The following PAK1 variants were observed in gnomAD, a reference collection of about 807,000 sequenced individuals.
PAK1 encodes serine/threonine-protein kinase PAK 1.
PAK1 carries 29 observed loss-of-function variants against 67.4 expected under a neutral mutation model. The ratio of observed to expected loss-of-function variants is 0.43; its 90% CI spans 0.32 to 0.59. The LOEUF (loss-of-function observed/expected upper bound fraction) is 0.59. PAK1 is among the 20% of genes least tolerant of loss of function. PAK1 has a pLI of 0.07. For missense variants in PAK1, 337 were observed against 670.7 expected (o/e 0.50, Z 5.50); for synonymous variants, 223 against 237.4 (o/e 0.94, Z 0.56).
At chr11:77,398,265 AC>A (rs1365648334) in intron 1 of PAK1, among the ~76,000 whole-genome samples, 1 of 151,926 alleles carries the variant, frequency 6.6e-6, no homozygotes, top group Admixed American at 6.6e-5. Context: ...GCCCTCCACT[AC>A]CCTTTCCAGC....
chr11:77,430,867 C>T (rs1955827872), intron 1 of PAK1, among the ~76,000 whole-genome samples: 1 of 152,166 alleles, frequency 6.6e-6, no homozygotes, highest in South Asian at 2.1e-4. Flanking sequence ...AGACCAGTAC[C>T]ATGGCCTGTT....
At chr11:77,357,617 G>A (rs1396600583) in intron 6 of PAK1, among the ~76,000 whole-genome samples, 2 of 152,096 alleles carry the variant, frequency 1.3e-5, no homozygotes, top group African/African-American at 4.8e-5. Context: ...ACCTGGAGTT[G>A]GGGTTAATTA....
chr11:77,454,601 C>A (rs935563147), intron 1 of PAK1, among the ~76,000 whole-genome samples: 1 of 152,140 alleles, frequency 6.6e-6, no homozygotes, highest in African/African-American at 2.4e-5. Flanking sequence ...TCAAAATCAT[C>A]TGGCGGGCTT....
chr11:77,516,060 T>A, the PAK1 span, among the ~76,000 whole-genome samples: 3 of 152,334 alleles, frequency 2.0e-5, no homozygotes, highest in Non-Finnish European at 4.4e-5. Context: ...TGCCATTTGT[T>A]TTTAGCTGTG....
chr11:77,397,645 A>G (rs1952011998), intron 1 of PAK1, among the ~76,000 whole-genome samples: 1 of 152,258 alleles, frequency 6.6e-6, no homozygotes, highest in Non-Finnish European at 1.5e-5. Context: ...ACTGAATCAA[A>G]GTAGACAGGG....
At chr11:77,499,758 T>C in the PAK1 span, among the ~76,000 whole-genome samples, 1 of 152,316 alleles carries the variant, frequency 6.6e-6, no homozygotes, top group East Asian at 1.9e-4. Context: ...TGGATCCATA[T>C]TGCTCCCTAA....
intron 1 of PAK1, among the ~76,000 whole-genome samples, chr11:77,469,752 GAATGTTTTT>G (rs1957765144): frequency 6.6e-6 from 1 of 151,660 alleles, no homozygotes; most frequent in Non-Finnish European, 1.5e-5. Context: ...TGGTGTGGGA[GAATGTTTTT>G]AAATTTTTTA....
chr11:77,498,470 G>A, the PAK1 span, among the ~76,000 whole-genome samples: 1 of 149,908 alleles, frequency 6.7e-6, no homozygotes, highest in Non-Finnish European at 1.5e-5. Context: ...GCTCATTATT[G>A]CTCTTTCTCC....
In PAK1 at chr11:77,429,071, A is replaced by AC. The variant is rs1352753572; in HGVS notation, c.-21-36531_-21-36530insG. On this transcript the variant is annotated intron_variant, in intron 1 of 14. Transcript: ENST00000356341. Reference sequence around the variant, plus strand: ...CATTTAATACTAAAAAAAAAAAAAAAAAAAAAAAAAAAAAAAAAAAAAACA... The same window carrying AC: ...CATTTAATACTAAAAAAAAAAAAAAACAAAAAAAAAAAAAAAAAAAAAAACA... 1.4e-4 allele frequency among the ~76,000 whole-genome samples: 11 copies of AC among 81,414 alleles called. No homozygotes were observed. The South Asian group carries it at 1.7e-3, about 13-fold the overall frequency. The allele number at this position is 81,414 out of a possible 152,430, so 53.4% of individuals were successfully genotyped here.
chr11:77,468,630 T>C (rs568505056), intron 1 of PAK1, among the ~76,000 whole-genome samples: 16 of 152,144 alleles, frequency 1.1e-4, no homozygotes, highest in Non-Finnish European at 1.9e-4. Flanking sequence ...CCATCTGACA[T>C]AGAGTTTTAT....
the PAK1 span, among the ~76,000 whole-genome samples, chr11:77,502,320 A>C: frequency 6.6e-6 from 1 of 152,242 alleles, no homozygotes; most frequent in Non-Finnish European, 1.5e-5. Context: ...CATGTCATTA[A>C]AGACTTCATA....
the PAK1 span, among the ~76,000 whole-genome samples, chr11:77,496,019 CTTT>C: frequency 3.2e-5 from 4 of 126,244 alleles, no homozygotes; most frequent in East Asian, 2.4e-4. Context: ...GAACTGTACA[CTTT>C]TTTTTTTTTT....
chr11:77,404,604 C>A lies in PAK1; in HGVS notation c.-21-12063G>T, dbSNP rs575450258. Among the ~76,000 whole-genome samples the A allele has an allele frequency of 3.3e-5, 5 of 152,248 alleles. No homozygotes were observed. The East Asian group carries it at 9.7e-4, about 29-fold the overall frequency. ...TTCAATGAGAAAATAGAAATCTTGG[C>A]AGAAGAACTACATCTTCCTACCCTC... On this transcript the variant is annotated intron_variant, in intron 1 of 14. Coordinates refer to ENST00000356341, the MANE Select transcript of PAK1 (RefSeq NM_002576.5).
intron 1 of PAK1, among the ~76,000 whole-genome samples, chr11:77,431,998 T>C (rs1955883067): frequency 6.6e-6 from 1 of 152,214 alleles, no homozygotes; most frequent in African/African-American, 2.4e-5. Flanking sequence ...TTTAAGCCTG[T>C]GTGGGTTTTT....
chr11:77,465,822 C>T (rs973838780), intron 1 of PAK1, among the ~76,000 whole-genome samples: 5 of 152,052 alleles, frequency 3.3e-5, no homozygotes, highest in African/African-American at 9.7e-5. Context: ...TAGTAGCATG[C>T]CCCTGTGGTC....
upstream of PAK1, chr11:77,474,269 G>C (rs978996135): frequency 2.0e-5 from 3 of 151,720 alleles, no homozygotes; most frequent in Admixed American, 2.0e-4. Flanking sequence ...GCCTCCCGCA[G>C]GTGAGAGGGG....
intron 4 of PAK1, among the ~76,000 whole-genome samples, chr11:77,375,518 T>C (rs1009854149): frequency 2.6e-5 from 4 of 152,226 alleles, no homozygotes; most frequent in African/African-American, 9.6e-5. Flanking sequence ...GTTTCACTGA[T>C]TCTGAGATGT....
At chr11:77,527,645 C>T in the PAK1 span, among the ~76,000 whole-genome samples, 90 of 152,250 alleles carry the variant, frequency 5.9e-4, no homozygotes, top group Admixed American at 1.4e-3. Flanking sequence ...TCTGACAATG[C>T]TCTCATATGA....
chr11:77,336,328 C>T (rs1437461326), intron 12 of PAK1, 46 bp from the exon 13 acceptor site: 1 of 1,442,124 alleles, frequency 6.9e-7, no homozygotes, highest in Non-Finnish European at 9.7e-7. Flanking sequence ...AGGATATACA[C>T]TCACTTCAGT....
Sources: allele counts gnomAD v4.1 joint callset (sites outside exome capture counted in the v4.1 genomes callset), GRCh38; gene constraint gnomAD v4.1.1; transcripts MANE v1.5; gene names NCBI Gene and HGNC (gene_info 2026-07-23, HGNC 2026-07-21).